TRABD2B: variants seen among roughly 807,000 people sequenced by gnomAD.
The protein encoded by TRABD2B is TraB domain containing 2B.
TRABD2B carries 14 observed loss-of-function variants against 40.1 expected under a neutral mutation model. That is an observed-to-expected ratio of 0.35 (90% CI 0.23 to 0.55). The LOEUF is 0.55. Among genes scored for constraint, TRABD2B ranks in the 20% least tolerant of loss-of-function variants. The probability of loss-of-function intolerance (pLI) is 0.90; values close to 1 mark genes in which losing one functional copy is unlikely to be tolerated. For synonymous variants in TRABD2B, 263 were observed against 277.0 expected (o/e 0.95, Z 0.50); for missense variants, 541 against 648.6 (o/e 0.83, Z 1.80).
chr1:47,949,967 G>A (rs945977601), intron 2 of TRABD2B, among the ~76,000 whole-genome samples: 18 of 152,072 alleles, frequency 1.2e-4, no homozygotes, highest in Admixed American at 9.8e-4. Context: ...AAGATTTCAG[G>A]AAGTGACAAA....
Position 47,774,619 on chromosome 1 carries a change from T to C in TRABD2B, c.1349+551A>G, listed in dbSNP as rs192332668. Among the ~76,000 whole-genome samples, 392 of 152,222 alleles carry C rather than the reference T, an allele frequency of 2.6e-3. 2 individuals are homozygous for C. The highest frequency in any genetic ancestry group is 4.8e-3 in the Non-Finnish European group (326 of 68,006). On this transcript the variant is annotated intron_variant, in intron 6 of 6. Coordinates refer to ENST00000606738, the MANE Select transcript of TRABD2B (RefSeq NM_001194986.2). Reference sequence around the variant, plus strand: ...GGTCTCCGTGCATTAGGATGATTTCTCCTATCTGTCCATTTTCAACAAGAT... The same window carrying C: ...GGTCTCCGTGCATTAGGATGATTTCCCCTATCTGTCCATTTTCAACAAGAT...
intron 2 of TRABD2B, among the ~76,000 whole-genome samples, chr1:47,930,429 C>T (rs536780056): frequency 2.6e-5 from 4 of 152,174 alleles, no homozygotes; most frequent in Non-Finnish European, 4.4e-5. Flanking sequence ...CTCAGCGCCA[C>T]ATCCTGGAGC....
In TRABD2B at chr1:47,866,095, T is replaced by C. The variant is rs553721145; in HGVS notation, c.667-64476A>G. Among the ~76,000 whole-genome samples the C allele has an allele frequency of 8.2e-4, 125 of 152,162 alleles. 1 individual carries two copies. Among genetic ancestry groups the C allele is most frequent in the Non-Finnish European group, 1.0e-3 (71 of 68,006 alleles). On this transcript the variant is annotated intron_variant, in intron 2 of 6. Transcript: ENST00000606738. ...CCAAAGAGCGCATTTGCACTGCCAC[T>C]GTATTCTGCTCTGTGCGCAAGCAGG... is the stretch of plus-strand genomic sequence containing the variant.
chr1:47,884,929 T>A (rs1644351786), intron 2 of TRABD2B, among the ~76,000 whole-genome samples: 2 of 152,178 alleles, frequency 1.3e-5, no homozygotes, highest in Non-Finnish European at 2.9e-5. Context: ...ATCATCTTTT[T>A]AAACTACAAA....
At chr1:47,773,075 G>A (rs942492105) in intron 6 of TRABD2B, among the ~76,000 whole-genome samples, 6 of 152,230 alleles carry the variant, frequency 3.9e-5, no homozygotes, top group African/African-American at 9.6e-5. Context: ...GTTAGGGGCC[G>A]GAGCTCCATT....
chr1:47,937,459 T>C (rs1264726003), intron 2 of TRABD2B, among the ~76,000 whole-genome samples: 1 of 151,930 alleles, frequency 6.6e-6, no homozygotes, highest in East Asian at 1.9e-4. Flanking sequence ...ATCACCATCA[T>C]CACCACCACT....
intron 2 of TRABD2B, among the ~76,000 whole-genome samples, chr1:47,908,191 A>G (rs1026211049): frequency 6.6e-6 from 1 of 152,214 alleles, no homozygotes; most frequent in South Asian, 2.1e-4. Context: ...TCCCATTTTT[A>G]TAACTATGTA....
intron 2 of TRABD2B, among the ~76,000 whole-genome samples, chr1:47,961,094 A>G (rs1370668129): frequency 6.6e-6 from 1 of 152,240 alleles, no homozygotes; most frequent in East Asian, 1.9e-4. Context: ...CAAACCTGAC[A>G]AAAACAAGAA....
chr1:47,829,181 G>C (rs762870999), intron 2 of TRABD2B, among the ~76,000 whole-genome samples: 8 of 152,162 alleles, frequency 5.3e-5, no homozygotes, highest in Non-Finnish European at 1.0e-4. Flanking sequence ...GCTTACAAGA[G>C]GCTAATTTTA....
intron 2 of TRABD2B, among the ~76,000 whole-genome samples, chr1:47,971,856 G>A (rs1645686738): frequency 6.6e-6 from 1 of 151,994 alleles, no homozygotes; most frequent in Admixed American, 6.6e-5. Context: ...ACCTCCCTAA[G>A]TGATTAAATG....
chr1:47,829,081 G>A lies in TRABD2B; in HGVS notation c.667-27462C>T, dbSNP rs1201456750. Among the ~76,000 whole-genome samples, 4 of 152,202 alleles carry A rather than the reference G, an allele frequency of 2.6e-5. No homozygotes were observed. The East Asian group carries it at 7.7e-4, about 29-fold the overall frequency. On this transcript the variant is annotated intron_variant, in intron 2 of 6. Coordinates refer to ENST00000606738, the MANE Select transcript of TRABD2B (RefSeq NM_001194986.2). ...CATTACTGCTGAGGAAACTGAGGAT[G>A]ACTGGCCCCAGGGACCCCAGAGAGG...
chr1:47,962,179 C>T lies in TRABD2B; in HGVS notation c.666+31855G>A, dbSNP rs184364938. ...ATTGAACAATGAGAACACTTGGACA[C>T]GGGAAGGGGAACATCACACGCCGGG... On this transcript the variant is annotated intron_variant, in intron 2 of 6. Coordinates refer to ENST00000606738, the MANE Select transcript of TRABD2B (RefSeq NM_001194986.2). 3.6e-3 allele frequency among the ~76,000 whole-genome samples: 443 copies of T among 123,088 alleles called. 2 individuals carry two copies. The highest frequency in any genetic ancestry group is 0.013 in the African/African-American group (424 of 32,006). The allele number at this position is 123,088 out of a possible 152,430, so 80.8% of individuals were successfully genotyped here. A position where few individuals can be genotyped will look rare whatever the true frequency, so the allele number is the denominator to read the frequency against.
intron 2 of TRABD2B, among the ~76,000 whole-genome samples, chr1:47,961,418 A>G (rs1234797917): frequency 6.6e-6 from 1 of 152,260 alleles, no homozygotes; most frequent in Non-Finnish European, 1.5e-5. Context: ...CACCAGAGTG[A>G]ACAGGCAACC....
intron 2 of TRABD2B, among the ~76,000 whole-genome samples, chr1:47,868,483 G>A (rs868279682): frequency 1.3e-5 from 2 of 152,202 alleles, no homozygotes; most frequent in African/African-American, 4.8e-5. Context: ...ACAGCAGGAG[G>A]TGAGCAGTGG....
At chr1:47,956,137 A>C (rs1472509259) in intron 2 of TRABD2B, among the ~76,000 whole-genome samples, 1 of 152,058 alleles carries the variant, frequency 6.6e-6, no homozygotes, top group African/African-American at 2.4e-5. Flanking sequence ...CTGGTCACTT[A>C]ATTTTGCCTA....
chr1:47,835,030 C>T (rs1293414687), intron 2 of TRABD2B, among the ~76,000 whole-genome samples: 1 of 151,984 alleles, frequency 6.6e-6, no homozygotes, highest in Non-Finnish European at 1.5e-5. Context: ...GTCTGAAGAA[C>T]TAAAGAAATG....
rs533593848 is a variant in TRABD2B at position 47,779,922 on chromosome 1, A to G, written c.989-1378T>C. Reference sequence around the variant, plus strand: ...GTGGACAGGCTGTTGGGGAACAGAGATGCTCTGGCAGAGGAAGCCAGCATA... The same window carrying G: ...GTGGACAGGCTGTTGGGGAACAGAGGTGCTCTGGCAGAGGAAGCCAGCATA... On this transcript the variant is annotated intron_variant, in intron 4 of 6. Transcript: ENST00000606738. 2.2e-4 allele frequency among the ~76,000 whole-genome samples: 33 copies of G among 152,276 alleles called. 1 individual carries two copies. In the South Asian group the frequency reaches 6.6e-3, roughly 31 times the overall value.
At position 47,812,336 on chromosome 1, in the gene TRABD2B, T is replaced by C. The variant is rs6662938; in HGVS notation, c.667-10717A>G. 7.0e-3 allele frequency among the ~76,000 whole-genome samples: 1,061 copies of C among 152,100 alleles called. 6 individuals carry two copies. The highest frequency in any genetic ancestry group is 0.024 in the African/African-American group (1,007 of 41,454). On this transcript the variant is annotated intron_variant, in intron 2 of 6. Transcript: ENST00000606738. ...GTAAGTTAATAATAAAACACAGAGG[T>C]TGGGGGCCTCAGAGGGGTTTCTGAC...
chr1:47,860,735 T>G (rs1347426699), intron 2 of TRABD2B, among the ~76,000 whole-genome samples: 1 of 152,174 alleles, frequency 6.6e-6, no homozygotes, highest in East Asian at 1.9e-4. Context: ...CTCTCAAGAA[T>G]AGCTTGGTGC....
Sources: allele counts gnomAD v4.1 joint callset (sites outside exome capture counted in the v4.1 genomes callset), GRCh38; gene constraint gnomAD v4.1.1; transcripts MANE v1.5; gene names NCBI Gene and HGNC (gene_info 2026-07-23, HGNC 2026-07-21).